The following CCSER1 variants were observed in gnomAD, a reference collection of about 807,000 sequenced individuals.
The protein encoded by CCSER1 is serine-rich coiled-coil domain-containing protein 1.
A neutral mutation model predicts 82.0 loss-of-function variants in CCSER1; 41 were observed. The ratio of observed to expected loss-of-function variants is 0.50; its 90% CI spans 0.39 to 0.65. The LOEUF (loss-of-function observed/expected upper bound fraction) is 0.65, where lower values mean the gene tolerates loss of function less well. CCSER1 is among the 30% of genes least tolerant of loss of function. The probability of loss-of-function intolerance (pLI) is 0.00; values close to 1 mark genes in which losing one functional copy is unlikely to be tolerated. For synonymous variants in CCSER1, 414 were observed against 383.9 expected, an observed-to-expected ratio of 1.08 and a Z score of -0.92; for missense variants, 1,119 against 1,064.2, an observed-to-expected ratio of 1.05 and a Z score of -0.72.
chr4:90,388,536 C>T (rs1180519133), intron 3 of CCSER1, among the ~76,000 whole-genome samples: 1 of 152,162 alleles, frequency 6.6e-6, no homozygotes, highest in Non-Finnish European at 1.5e-5. Flanking sequence ...TCTTGAACTC[C>T]TGACCTCAGG....
chr4:91,594,280 T>A (rs1764414120), intron 10 of CCSER1, among the ~76,000 whole-genome samples: 1 of 150,654 alleles, frequency 6.6e-6, no homozygotes, highest in Non-Finnish European at 1.5e-5. Flanking sequence ...TCCATATATA[T>A]ATATATGTGT....
intron 6 of CCSER1, among the ~76,000 whole-genome samples, chr4:90,673,180 A>C (rs1051828467): frequency 7.2e-5 from 11 of 151,984 alleles, no homozygotes; most frequent in African/African-American, 2.4e-4. Context: ...AAATAAAATG[A>C]GGTACAATTG....
intron 7 of CCSER1, among the ~76,000 whole-genome samples, chr4:90,734,908 C>T (rs773635586): frequency 4.6e-5 from 7 of 152,028 alleles, no homozygotes; most frequent in Non-Finnish European, 8.8e-5. Context: ...AAATCTTAGA[C>T]GAAAGACTTT....
chr4:90,255,744 G>GTT (rs1560888060), intron 1 of CCSER1, among the ~76,000 whole-genome samples: 1 of 152,132 alleles, frequency 6.6e-6, no homozygotes, highest in African/African-American at 2.4e-5. Context: ...AAAAAACACA[G>GTT]TTAAAGCAAG....
chr4:91,323,745 A>G (rs1219599470), intron 10 of CCSER1, among the ~76,000 whole-genome samples: 1 of 152,204 alleles, frequency 6.6e-6, no homozygotes, highest in Non-Finnish European at 1.5e-5. Context: ...AGCTTTCTGA[A>G]CATAACAAGG....
intron 4 of CCSER1, among the ~76,000 whole-genome samples, chr4:90,418,404 A>G (rs747148679): frequency 1.3e-5 from 2 of 152,040 alleles, no homozygotes; most frequent in Non-Finnish European, 2.9e-5. Context: ...TTAAGTATAG[A>G]ATGCCACAGC....
intron 9 of CCSER1, among the ~76,000 whole-genome samples, chr4:91,034,254 A>G (rs73834735): frequency 0.02 from 3,079 of 152,312 alleles, 93 homozygotes; most frequent in African/African-American, 0.068. Context: ...CTTAAGTCCT[A>G]TGACTTTTCA....
chr4:90,611,067 T>A (rs1295434267), intron 5 of CCSER1, among the ~76,000 whole-genome samples: 1 of 133,572 alleles, frequency 7.5e-6, no homozygotes, highest in Non-Finnish European at 1.6e-5. Context: ...TTCTTTTTTT[T>A]TTTTTTTTTT....
At chr4:91,021,858 G>A (rs765234338) in intron 9 of CCSER1, among the ~76,000 whole-genome samples, 2 of 152,116 alleles carry the variant, frequency 1.3e-5, no homozygotes, top group East Asian at 1.9e-4. Flanking sequence ...TATTAATTCA[G>A]TTTCAGTTAA....
intron 5 of CCSER1, among the ~76,000 whole-genome samples, chr4:90,513,281 A>T (rs1771812033): frequency 6.6e-6 from 1 of 152,174 alleles, no homozygotes; most frequent in African/African-American, 2.4e-5. Flanking sequence ...CGGTATGGTG[A>T]TGTACCATGG....
chr4:91,496,864 G>A (rs554481122), intron 10 of CCSER1, among the ~76,000 whole-genome samples: 5 of 123,788 alleles, frequency 4.0e-5, no homozygotes, highest in Admixed American at 2.8e-4. Context: ...AATATATATT[G>A]AATATATATA....
intron 5 of CCSER1, among the ~76,000 whole-genome samples, chr4:90,546,222 CTG>C (rs1776727626): frequency 6.6e-6 from 1 of 152,102 alleles, no homozygotes; most frequent in Admixed American, 6.6e-5. Flanking sequence ...TTCCTTTTCT[CTG>C]TGGATACTGG....
At chr4:90,426,893 C>T (rs1469288660) in intron 4 of CCSER1, among the ~76,000 whole-genome samples, 6 of 151,944 alleles carry the variant, frequency 3.9e-5, no homozygotes, top group Middle Eastern at 6.4e-3. Flanking sequence ...TCAAGTTGTT[C>T]TGAACCATTT....
intron 10 of CCSER1, among the ~76,000 whole-genome samples, chr4:91,131,274 T>C (rs376689097): frequency 3.3e-5 from 5 of 151,944 alleles, no homozygotes; most frequent in African/African-American, 1.2e-4. Context: ...AAGGGTGATG[T>C]ACTGTCTTTA....
At chr4:91,360,424 CAA>C (rs139430791) in intron 10 of CCSER1, among the ~76,000 whole-genome samples, 1 of 150,562 alleles carries the variant, frequency 6.6e-6, no homozygotes, top group Non-Finnish European at 1.5e-5. Context: ...CTTCAAATGT[CAA>C]AAAAAAATTG....
intron 10 of CCSER1, among the ~76,000 whole-genome samples, chr4:91,275,016 G>C (rs1742308893): frequency 6.6e-6 from 1 of 151,994 alleles, no homozygotes; most frequent in South Asian, 2.1e-4. Context: ...TGAGGCAGGA[G>C]AATGGTGTGA....
chr4:90,566,750 C>G (rs1175087869), intron 5 of CCSER1, among the ~76,000 whole-genome samples: 1 of 151,802 alleles, frequency 6.6e-6, no homozygotes, highest in African/African-American at 2.4e-5. Flanking sequence ...CTACAGACGC[C>G]CGCCACCACG....
At chr4:91,309,660 A>G (rs900609998) in intron 10 of CCSER1, among the ~76,000 whole-genome samples, 19 of 152,056 alleles carry the variant, frequency 1.2e-4, no homozygotes, top group African/African-American at 4.6e-4. Flanking sequence ...GTACTCTACA[A>G]GGAACAACCA....
At chr4:90,223,080 A>G (rs1295156341) in intron 1 of CCSER1, among the ~76,000 whole-genome samples, 1 of 152,144 alleles carries the variant, frequency 6.6e-6, no homozygotes, top group African/African-American at 2.4e-5. Context: ...GGTTCCTCCT[A>G]TTCCCTTTGT....
Sources: gnomAD v4.1 joint callset for allele counts (sites outside exome capture counted in the v4.1 genomes callset) on GRCh38, gnomAD v4.1.1 for gene constraint, MANE v1.5 for transcripts, NCBI Gene and HGNC (gene_info 2026-07-23, HGNC 2026-07-21) for gene names.